UTP20: variants seen among roughly 807,000 people sequenced by gnomAD.
The protein encoded by UTP20 is small subunit processome component 20 homolog.
Under a neutral mutation model 329.5 loss-of-function variants are expected in UTP20, and 164 were observed. That is an observed-to-expected ratio of 0.50 (90% CI 0.44 to 0.57). The LOEUF is 0.57. Ranked by LOEUF, UTP20 falls within the 20% of genes least tolerant of loss-of-function variation. The probability of loss-of-function intolerance (pLI) is 0.00; values close to 1 mark genes in which losing one functional copy is unlikely to be tolerated. For synonymous variants in UTP20, 1,151 were observed against 1,159.3 expected (o/e 0.99, Z 0.14); for missense variants, 3,055 against 3,284.2 (o/e 0.93, Z 1.71).
At chr12:101,336,822 T>C (rs553300162) in intron 29 of UTP20, among the ~76,000 whole-genome samples, 2 of 152,376 alleles carry the variant, frequency 1.3e-5, no homozygotes, top group Middle Eastern at 3.4e-3. Flanking sequence ...AATTGCTGAT[T>C]GAGCCATTCA....
chr12:101,323,563 A>G (rs886719488), intron 25 of UTP20, among the ~76,000 whole-genome samples: 2 of 152,098 alleles, frequency 1.3e-5, no homozygotes, highest in Non-Finnish European at 2.9e-5. Flanking sequence ...ATGACTTCAC[A>G]TATTTTAGGT....
chr12:101,305,383 A>T (rs1449474720), intron 15 of UTP20, among the ~76,000 whole-genome samples: 7 of 151,706 alleles, frequency 4.6e-5, no homozygotes, highest in Admixed American at 4.6e-4. Context: ...CCAAGAGGTT[A>T]AGCAACTTGC....
intron 8 of UTP20, among the ~76,000 whole-genome samples, 154 bp from the exon 9 acceptor site, chr12:101,291,588 T>C (rs1345512342): frequency 6.8e-6 from 1 of 146,802 alleles, no homozygotes; most frequent in Non-Finnish European, 1.5e-5. Context: ...ACTCAGCCAA[T>C]GTTAGCTGTT....
intron 60 of UTP20, among the ~76,000 whole-genome samples, chr12:101,384,834 A>G (rs1400781883): frequency 2.6e-5 from 4 of 152,174 alleles, no homozygotes; most frequent in African/African-American, 4.8e-5. Flanking sequence ...AGCAATGGTA[A>G]AGGTTGAGGC....
rs1215292167 is a variant in UTP20, at chr12:101,385,879, T to C, written c.8203-89T>C. On this transcript the variant is annotated intron_variant, in intron 61 of 61. Coordinates refer to ENST00000261637, the MANE Select transcript of UTP20 (RefSeq NM_014503.3). ...GACTTCAGATTTTCTTTAATGAGCA[T>C]GTGTTTTTTACATTTATTTCTGTAT... 12 of 1,447,778 alleles carry C rather than the reference T, an allele frequency of 8.3e-6. No homozygotes were observed. The Middle Eastern group carries it at 7.9e-4, about 95-fold the overall frequency. 89.7% of individuals were successfully genotyped at this position (1,447,778 alleles called of 1,614,324 possible). A position where few individuals can be genotyped will look rare whatever the true frequency, so the allele number is the denominator to read the frequency against.
chr12:101,293,126 C>G (rs748081776), intron 10 of UTP20, 42 bp from the exon 11 acceptor site: 3 of 1,582,994 alleles, frequency 1.9e-6, no homozygotes, highest in Non-Finnish European at 2.6e-6. Context: ...GGGGAAAATA[C>G]TCTCTGTGTA....
At chr12:101,381,254 G>A (rs975210835) in intron 58 of UTP20, 43 bp downstream of exon 58, 1 of 1,543,960 alleles carries the variant, frequency 6.5e-7, no homozygotes, top group Admixed American at 1.7e-5. Context: ...GGGGCCGGCT[G>A]GGCATGGTGG....
intron 38 of UTP20, among the ~76,000 whole-genome samples, chr12:101,348,109 G>T (rs1322328894): frequency 2.6e-5 from 4 of 152,202 alleles, no homozygotes; most frequent in African/African-American, 9.6e-5. Flanking sequence ...GATTACAGGC[G>T]TGAGCCACCA....
intron 11 of UTP20, 40 bp downstream of exon 11, chr12:101,293,285 A>C: frequency 8.2e-6 from 13 of 1,577,116 alleles, no homozygotes; most frequent in Non-Finnish European, 1.1e-5. Flanking sequence ...TTAAAAACAA[A>C]TCTGTCAGGA....
Position 101,302,537 on chromosome 12 carries a change from G to T in UTP20, c.1765G>T (p.Val589Leu). 1 of 1,607,036 alleles carries T rather than the reference G, an allele frequency of 6.2e-7. No homozygotes were observed. Among genetic ancestry groups the T allele is most frequent in the Non-Finnish European group, 8.5e-7 (1 of 1,177,086 alleles). Residue 589 changes from valine (V) to leucine (L), a missense_variant, in exon 15 of 62, where the codon GTG (valine) becomes TTG (leucine). Around this residue, in one of 3 missense-constraint regions of UTP20, gnomAD observed 2,445 missense variants for 2,575.5 expected, o/e 0.95. Coordinates refer to ENST00000261637, the MANE Select transcript of UTP20 (RefSeq NM_014503.3). ...ELLHLVPVER[V>L]KNLVLTFPLE... ...TCTTCATTTGGTTCCTGTGGAACGTGTGAAGAATTTAGTATTGTAAGTAAA... is the reference window on the plus strand; with the variant it reads ...TCTTCATTTGGTTCCTGTGGAACGTTTGAAGAATTTAGTATTGTAAGTAAA...
Position 101,366,692 on chromosome 12 carries a change from G to C in UTP20, c.6260G>C (p.Gly2087Ala), listed in dbSNP as rs1417950513. Residue 2087 changes from glycine (G) to alanine (A), a missense_variant, in exon 47 of 62, where the codon GGG (glycine) becomes GCG (alanine). Physicochemically the swap from Gly to Ala is moderately conservative, Grantham distance 60 (BLOSUM62 0). This residue lies in a region of UTP20 where 2,445 missense variants were observed against 2,575.5 expected (regional missense o/e 0.95). Transcript: ENST00000261637. ...AACATGCACATATTTATTGAGTCCG[G>C]GCTTCGGGTAAGAATTAACCTTAAA... is the stretch of plus-strand genomic sequence containing the variant. ...KTNMHIFIES[G>A]LRLLHLSLKT... 1.2e-6 allele frequency: 2 copies of C among 1,613,538 alleles called. No homozygotes were observed. Among genetic ancestry groups the C allele is most frequent in the East Asian group, 4.5e-5 (2 of 44,866 alleles).
chr12:101,354,765 C>T, intron 40 of UTP20, 67 bp from the exon 41 acceptor site: 4 of 1,522,322 alleles, frequency 2.6e-6, no homozygotes, highest in Non-Finnish European at 3.5e-6. Flanking sequence ...GTGGGAAAAA[C>T]TGCTTACCAC....
intron 28 of UTP20, 54 bp downstream of exon 28, chr12:101,333,498 C>A: frequency 6.3e-7 from 1 of 1,588,386 alleles, no homozygotes; most frequent in Non-Finnish European, 8.6e-7. Context: ...TCCTTTATTA[C>A]TAACTCACCA....
At chr12:101,358,642 TA>T (rs1379451045) in intron 43 of UTP20, among the ~76,000 whole-genome samples, 7 of 152,266 alleles carry the variant, frequency 4.6e-5, no homozygotes, top group Non-Finnish European at 2.9e-5. Context: ...TTGCTGGATA[TA>T]TAATTTCACT....
intron 5 of UTP20, 67 bp from the exon 6 acceptor site, chr12:101,288,893 G>T: frequency 7.2e-7 from 1 of 1,379,462 alleles, no homozygotes; most frequent in South Asian, 1.2e-5. Context: ...CCATATTGTT[G>T]ACATGTAGTA....
chr12:101,373,581 T>C lies in UTP20; in HGVS notation c.6949-4T>C. 6.2e-7 allele frequency: 1 copy of C among 1,610,488 alleles called. No homozygotes were observed. The highest frequency in any genetic ancestry group is 8.5e-7 in the Non-Finnish European group (1 of 1,177,946). ...AGTGCTCACACGTGCCTCTTTTCTT[T>C]TAGGGGCTGCTCCATGAGAACTGCG... On this transcript the variant is annotated splice_polypyrimidine_tract_variant and splice_region_variant and intron_variant, in intron 53 of 61. Coordinates refer to ENST00000261637, the MANE Select transcript of UTP20 (RefSeq NM_014503.3).
chr12:101,297,817 C>T (rs1455391121), intron 12 of UTP20, among the ~76,000 whole-genome samples: 1 of 152,144 alleles, frequency 6.6e-6, no homozygotes, highest in Non-Finnish European at 1.5e-5. Context: ...TGAGACTGGG[C>T]GTCAGACCTT....
chr12:101,360,633 T>C (rs1008557322), intron 43 of UTP20, among the ~76,000 whole-genome samples: 1 of 152,144 alleles, frequency 6.6e-6, no homozygotes, highest in Non-Finnish European at 1.5e-5. Flanking sequence ...AAGACCAGCC[T>C]GGCCAACATG....
At chr12:101,381,316 C>G (rs939937539) in intron 58 of UTP20, 105 bp downstream of exon 58, 10 of 943,994 alleles carry the variant, frequency 1.1e-5, no homozygotes, top group Non-Finnish European at 1.7e-5. Context: ...CAGATCACCC[C>G]GAGGTCAGGA....
Sources: allele counts gnomAD v4.1 joint callset (sites outside exome capture counted in the v4.1 genomes callset), GRCh38; gene constraint gnomAD v4.1.1; regional missense constraint gnomAD v4.1.1; transcripts MANE v1.5; gene names NCBI Gene and HGNC (gene_info 2026-07-23, HGNC 2026-07-21).